The following DSE variants were observed in gnomAD, a reference collection of about 807,000 sequenced individuals.
DSE encodes dermatan-sulfate epimerase.
In DSE, 36 loss-of-function variants were observed where a neutral mutation model predicts 84.4. The ratio of observed to expected loss-of-function variants is 0.43; its 90% CI spans 0.33 to 0.56. The LOEUF (loss-of-function observed/expected upper bound fraction) is 0.56. DSE is among the 20% of genes least tolerant of loss of function. The pLI is 0.06. For synonymous variants in DSE, 410 were observed against 430.1 expected (o/e 0.95, Z 0.58); for missense variants, 862 against 1,169.6 (o/e 0.74, Z 3.84).
chr6:116,382,037 C>CTGTGTGTGTG (rs58610779), intron 1 of DSE, among the ~76,000 whole-genome samples: 9,921 of 144,748 alleles, frequency 0.069, 396 homozygotes, highest in South Asian at 0.13. Context: ...ACATGGCATT[C>CTGTGTGTGTG]TGTGTGTGTG....
intron 2 of DSE, among the ~76,000 whole-genome samples, chr6:116,403,042 G>A (rs1471575165): frequency 6.6e-6 from 1 of 152,150 alleles, no homozygotes; most frequent in African/African-American, 2.4e-5. Context: ...AAGTAGAACG[G>A]GAATCTCATA....
intron 2 of DSE, among the ~76,000 whole-genome samples, chr6:116,360,276 CA>C (rs1368565044): frequency 6.6e-6 from 1 of 152,124 alleles, no homozygotes; most frequent in Non-Finnish European, 1.5e-5. Flanking sequence ...ATAGGTGCAG[CA>C]AACCACCATG....
intron 1 of DSE, among the ~76,000 whole-genome samples, chr6:116,389,736 C>T (rs1780776022): frequency 6.6e-6 from 1 of 152,128 alleles, no homozygotes; most frequent in African/African-American, 2.4e-5. Context: ...AGTAATGCTA[C>T]AAAAGTGTTT....
At chr6:116,302,734 G>A (rs1271163917) in intron 2 of DSE, among the ~76,000 whole-genome samples, 4 of 143,500 alleles carry the variant, frequency 2.8e-5, no homozygotes, top group Admixed American at 7.3e-5. Flanking sequence ...GTCCTGAATG[G>A]TATTGCCTAG....
intron 2 of DSE, among the ~76,000 whole-genome samples, chr6:116,299,502 TTTTA>T (rs1205721957): frequency 0.076 from 3,595 of 47,190 alleles, 283 homozygotes; most frequent in Admixed American, 0.1. Context: ...CTTGAATTAT[TTTTA>T]TATATATATA....
chr6:116,393,273 C>T (rs1363003183), intron 1 of DSE, among the ~76,000 whole-genome samples: 3 of 152,118 alleles, frequency 2.0e-5, no homozygotes, highest in African/African-American at 4.8e-5. Flanking sequence ...TTTAAAGGGT[C>T]GTATACTTTC....
chr6:116,399,915 G>A (rs1376844879), intron 2 of DSE: 1 of 482,300 alleles, frequency 2.1e-6, no homozygotes, highest in Non-Finnish European at 3.7e-6. Flanking sequence ...ATAATTTGCT[G>A]AATTGAGTAA....
Position 116,431,050 on chromosome 6 carries a change from A to G in DSE, c.767A>G (p.Tyr256Cys). The G allele has an allele frequency of 1.2e-6, 2 of 1,614,170 alleles. No individual in the cohort carries two copies. The highest frequency in any genetic ancestry group is 1.7e-6 in the Non-Finnish European group (2 of 1,180,038). ...AGGGAGGTGACGGATGGCTCCCTCT[A>G]TGAAGGAGTTGCGTATGGCAGCTAC... ...LLREVTDGSL[Y>C]EGVAYGSYTT... The change falls in exon 4 of 6, where the codon TAT becomes TGT. Residue 256 changes from tyrosine to cysteine, a missense_variant. Coordinates refer to ENST00000644252, the MANE Select transcript of DSE (RefSeq NM_013352.4).
chr6:116,351,077 A>G (rs1015095556), intron 2 of DSE, among the ~76,000 whole-genome samples: 2 of 152,234 alleles, frequency 1.3e-5, no homozygotes, highest in Non-Finnish European at 2.9e-5. Flanking sequence ...TTGTTTTTAC[A>G]TAGTGTTTAA....
chr6:116,366,192 T>TG (rs1779156757), upstream of DSE: 1 of 152,228 alleles, frequency 6.6e-6, no homozygotes, highest in Admixed American at 6.5e-5. Context: ...TTAAATGACT[T>TG]GCCTGCCTAA....
chr6:116,381,771 A>G (rs1458325947), intron 1 of DSE, among the ~76,000 whole-genome samples: 1 of 152,154 alleles, frequency 6.6e-6, no homozygotes, highest in Non-Finnish European at 1.5e-5. Context: ...GAAATGAGAA[A>G]ATTCTAGAGC....
upstream of DSE, chr6:116,370,043 C>T (rs1779416361): frequency 2.0e-6 from 2 of 999,054 alleles, no homozygotes; most frequent in African/African-American, 1.7e-5. Flanking sequence ...CCTGATCCTA[C>T]CTCACATCTC....
chr6:116,299,504 T>TTATATATA (rs71553739), intron 2 of DSE, among the ~76,000 whole-genome samples: 18 of 11,488 alleles, frequency 1.6e-3, no homozygotes, highest in African/African-American at 3.5e-3. Context: ...TGAATTATTT[T>TTATATATA]TATATATATA....
intron 2 of DSE, among the ~76,000 whole-genome samples, chr6:116,330,011 G>A: frequency 6.6e-6 from 1 of 152,206 alleles, no homozygotes; most frequent in African/African-American, 2.4e-5. Flanking sequence ...TTTTAGTAGA[G>A]ATGGGGTTTC....
chr6:116,378,002 A>G (rs1228609810), intron 1 of DSE, among the ~76,000 whole-genome samples: 1 of 152,198 alleles, frequency 6.6e-6, no homozygotes, highest in African/African-American at 2.4e-5. Flanking sequence ...CACCAACCCC[A>G]TGGGTAATCA....
At chr6:116,429,356 C>T (rs1349238124) in intron 3 of DSE, among the ~76,000 whole-genome samples, 1 of 152,140 alleles carries the variant, frequency 6.6e-6, no homozygotes, top group Admixed American at 6.5e-5. Context: ...AAGCCCCACA[C>T]CTGCCACATA....
At chr6:116,348,049 T>C (rs937883421) in intron 2 of DSE, among the ~76,000 whole-genome samples, 2 of 152,178 alleles carry the variant, frequency 1.3e-5, no homozygotes, top group African/African-American at 2.4e-5. Flanking sequence ...TAAAAAATGG[T>C]CATCATCACT....
intron 2 of DSE, among the ~76,000 whole-genome samples, chr6:116,346,486 A>C (rs1412115310): frequency 6.6e-6 from 1 of 152,208 alleles, no homozygotes; most frequent in African/African-American, 2.4e-5. Flanking sequence ...AATAAACGTA[A>C]TCCAGCATAT....
intron 1 of DSE, among the ~76,000 whole-genome samples, chr6:116,388,698 A>T (rs1780711812): frequency 6.6e-6 from 1 of 152,162 alleles, no homozygotes; most frequent in African/African-American, 2.4e-5. Context: ...AATTTTTTTC[A>T]TCTGTTGCAT....
Sources: allele counts gnomAD v4.1 joint callset (sites outside exome capture counted in the v4.1 genomes callset), GRCh38; gene constraint gnomAD v4.1.1; transcripts MANE v1.5; gene names NCBI Gene and HGNC (gene_info 2026-07-23, HGNC 2026-07-21).